Variants in TUBAL3 observed in about 807,000 individuals in gnomAD.
The protein encoded by TUBAL3 is tubulin alpha like 3, also known as tubulin alpha chain-like 3.
A neutral mutation model predicts 15.5 loss-of-function variants in TUBAL3; 16 were observed. The ratio of observed to expected loss-of-function variants is 1.04; its 90% CI spans 0.70 to 1.57. The LOEUF (loss-of-function observed/expected upper bound fraction) is 1.57, where lower values mean the gene tolerates loss of function less well. Ranked by LOEUF, TUBAL3 falls within the 40% of genes most tolerant of loss-of-function variation. TUBAL3 has a pLI of 0.00. For synonymous variants in TUBAL3, 238 were observed against 224.3 expected, an observed-to-expected ratio of 1.06 and a Z score of -0.55; for missense variants, 609 against 576.2, an observed-to-expected ratio of 1.06 and a Z score of -0.58.
rs113297244 is a variant in TUBAL3, at chr10:5,400,525, A to G, written c.247+319T>C. On this transcript the variant is annotated intron_variant, in intron 2 of 3. Coordinates refer to ENST00000380419, the MANE Select transcript of TUBAL3 (RefSeq NM_024803.3). ...TGTGTGCCTGTAATCCCAGCTACTC[A>G]GAGGCTGAGGCAGGAGAATTGCTTG... 1.2e-4 allele frequency among the ~76,000 whole-genome samples: 18 copies of G among 152,256 alleles called. 1 individual carries two copies. Among genetic ancestry groups the G allele is most frequent in the African/African-American group, 3.9e-4 (16 of 41,558 alleles).
In TUBAL3 at chr10:5,395,411, C is replaced by T. The variant is rs781977875; in HGVS notation, c.312G>A (p.Glu104=). 3.7e-6 allele frequency: 6 copies of T among 1,606,390 alleles called. No individual in the cohort carries two copies. The African/African-American group carries it at 5.4e-5, about 14-fold the overall frequency. The change falls in exon 3 of 4, where the codon GAG becomes GAA. Residue 104 remains glutamate (E), a synonymous_variant. Transcript: ENST00000380419. The surrounding 1 kb of genome is among the most constrained non-coding windows in gnomAD (Gnocchi z 4.6). ...CTCGCGCGTAATTGTTAGCAGCATC[C>T]TCCTTTCCGCTAAGGAGCTGCTCGG... ...FHPEQLLSGK[E]DAANNYARGR...
At position 5,393,498 on chromosome 10, in the gene TUBAL3, T is replaced by C; in HGVS notation, c.*19A>G. 6.4e-7 allele frequency: 1 copy of C among 1,569,482 alleles called. No individual in the cohort carries two copies. Among genetic ancestry groups the C allele is most frequent in the Non-Finnish European group, 8.6e-7 (1 of 1,157,320 alleles). ...ATGCCATTTTAACTTGACATTCATT[T>C]GCACCCATCATACATGCCTCAGAAA... On this transcript the variant is annotated 3_prime_UTR_variant, in exon 4 of 4. Transcript: ENST00000380419.
At chr10:5,398,411 A>G (rs1471621521) in intron 2 of TUBAL3, among the ~76,000 whole-genome samples, 4 of 133,900 alleles carry the variant, frequency 3.0e-5, no homozygotes, top group African/African-American at 1.1e-4. Flanking sequence ...AAAGAGCAAA[A>G]CTCTGTCTCA....
rs545148288 is a variant in TUBAL3, at chr10:5,398,741, A to G, written c.247+2103T>C. ...GCAAATTGGTAAACGTTCTTAAAAC[A>G]TTATGAGATCGTTTTGCAATATTTT... On this transcript the variant is annotated intron_variant, in intron 2 of 3. Transcript: ENST00000380419. Among the ~76,000 whole-genome samples, 42 of 129,112 alleles carry G rather than the reference A, an allele frequency of 3.3e-4. 2 individuals carry two copies. In the South Asian group the frequency reaches 9.9e-3, roughly 30 times the overall value. The allele number at this position is 129,112 out of a possible 152,430, so 84.7% of individuals were successfully genotyped here. A position where few individuals can be genotyped will look rare whatever the true frequency, so the allele number is the denominator to read the frequency against.
chr10:5,395,291 G>C lies in TUBAL3; in HGVS notation c.396+36C>G. ...TGCCGCAGGACCCCACATGCCCCAGGCACAGCCCACTCGGAGGAGAGGGGG... is the reference window on the plus strand; with the variant it reads ...TGCCGCAGGACCCCACATGCCCCAGCCACAGCCCACTCGGAGGAGAGGGGG... On this transcript the variant is annotated intron_variant, in intron 3 of 3. Coordinates refer to ENST00000380419, the MANE Select transcript of TUBAL3 (RefSeq NM_024803.3). This position sits in a 1 kb window ranked among gnomAD's most constrained non-coding sequence, Gnocchi z 4.6. 2 of 1,459,002 alleles carry C rather than the reference G, an allele frequency of 1.4e-6. No individual in the cohort carries two copies. Among genetic ancestry groups the C allele is most frequent in the Non-Finnish European group, 1.8e-6 (2 of 1,092,950 alleles). The allele number at this position is 1,459,002 out of a possible 1,614,324, so 90.4% of individuals were successfully genotyped here.
rs6601957 is a variant in TUBAL3, at chr10:5,394,524, A to G, written c.397-63T>C. The G allele has an allele frequency of 0.73, 1,063,704 of 1,463,248 alleles. 387,628 individuals carry two copies. Among genetic ancestry groups the G allele is most frequent in the African/African-American group, 0.82 (58,002 of 70,866 alleles). The allele number at this position is 1,463,248 out of a possible 1,614,324, so 90.6% of individuals were successfully genotyped here. A position where few individuals can be genotyped will look rare whatever the true frequency, so the allele number is the denominator to read the frequency against. ...TAAATCCAGAAGCAGTGAATTGGACAGTAGTGGCAGGATACAACAGGTTTC... is the reference window on the plus strand; with the variant it reads ...TAAATCCAGAAGCAGTGAATTGGACGGTAGTGGCAGGATACAACAGGTTTC... On this transcript the variant is annotated intron_variant, in intron 3 of 3. Coordinates refer to ENST00000380419, the MANE Select transcript of TUBAL3 (RefSeq NM_024803.3). The surrounding 1 kb of genome is among the most constrained non-coding windows in gnomAD (Gnocchi z 4.3).
In TUBAL3 at chr10:5,393,661, G is replaced by A. The variant is rs782435125; in HGVS notation, c.1197C>T (p.Asp399=). 7 of 1,614,166 alleles carry A rather than the reference G, an allele frequency of 4.3e-6. No individual in the cohort carries two copies. In the Admixed American group the frequency reaches 5.0e-5, roughly 12 times the overall value. The part of the protein sequence containing the change: ...TAIVEAWARL[D]HKFDLMYAKR... ...TGGCGTACATGAGGTCAAACTTGTG[G>A]TCCAGGCGGGCCCAGGCCTCCACAA... The change falls in exon 4 of 4, where the codon GAC becomes GAT. Residue 399 remains aspartate, a synonymous_variant. Transcript: ENST00000380419.
chr10:5,396,185 A>G lies in TUBAL3; in HGVS notation c.248-710T>C, dbSNP rs1484605439. 2.0e-5 allele frequency among the ~76,000 whole-genome samples: 3 copies of G among 152,162 alleles called. No individual in the cohort carries two copies. The highest frequency in any genetic ancestry group is 4.4e-5 in the Non-Finnish European group (3 of 68,030). On this transcript the variant is annotated intron_variant, in intron 2 of 3. Transcript: ENST00000380419. The surrounding 1 kb of genome is among the most constrained non-coding windows in gnomAD (Gnocchi z 5.1). ...TTTGAGACAAGTATTTTTATCTACAAATTGCGAACTGTGTGCTGGAAAGGC... is the reference window on the plus strand; with the variant it reads ...TTTGAGACAAGTATTTTTATCTACAGATTGCGAACTGTGTGCTGGAAAGGC...
In TUBAL3 at chr10:5,393,560, G is replaced by A. The variant is rs782519665; in HGVS notation, c.1298C>T (p.Ala433Val). ...TTCCTCATAGTCCCTCTCCAGGGCT[G>A]CCAGATCTTCCCTGGCCTCCAAGAA... ...AEFLEAREDL[A>V]ALERDYEEVA... The change falls in exon 4 of 4, where the codon GCA (alanine) becomes GTA (valine). Residue 433 changes from alanine to valine, a missense_variant. Coordinates refer to ENST00000380419, the MANE Select transcript of TUBAL3 (RefSeq NM_024803.3). 1.2e-6 allele frequency: 2 copies of A among 1,613,710 alleles called. No individual in the cohort carries two copies.
rs1831738144 is a variant in TUBAL3 at position 5,394,823 on chromosome 10, G to A, written c.397-362C>T. Among the ~76,000 whole-genome samples, 1 of 152,200 alleles carries A rather than the reference G, an allele frequency of 6.6e-6. No homozygotes were observed. The highest frequency in any genetic ancestry group is 1.5e-5 in the Non-Finnish European group (1 of 68,052). ...CCCACGTCTATGCTCCATCTGGCAT[G>A]CTGGTGTAAAAGGTGTTGTAGTAGC... On this transcript the variant is annotated intron_variant, in intron 3 of 3. Coordinates refer to ENST00000380419, the MANE Select transcript of TUBAL3 (RefSeq NM_024803.3). This position sits in a 1 kb window ranked among gnomAD's most constrained non-coding sequence, Gnocchi z 4.3.
chr10:5,401,213 A>G, intron 1 of TUBAL3, 126 bp from the exon 2 acceptor site: 1 of 1,179,970 alleles, frequency 8.5e-7, no homozygotes, highest in Non-Finnish European at 1.2e-6. Context: ...AATGTGTTAT[A>G]AGGATAATCA....
chr10:5,397,026 C>T lies in TUBAL3; in HGVS notation c.248-1551G>A, dbSNP rs762427218. ...GCTGTTACGAGAACATAGGGCACAA[C>T]GCACGGCCCATATAACAACAGCAAT... On this transcript the variant is annotated intron_variant, in intron 2 of 3. Coordinates refer to ENST00000380419, the MANE Select transcript of TUBAL3 (RefSeq NM_024803.3). The surrounding 1 kb of genome is among the most constrained non-coding windows in gnomAD (Gnocchi z 4.9). Among the ~76,000 whole-genome samples, 5 of 152,150 alleles carry T rather than the reference C, an allele frequency of 3.3e-5. No homozygotes were observed. The South Asian group carries it at 6.2e-4, about 19-fold the overall frequency.
chr10:5,400,197 C>T (rs1831828518), intron 2 of TUBAL3, among the ~76,000 whole-genome samples: 2 of 152,134 alleles, frequency 1.3e-5, no homozygotes, highest in African/African-American at 2.4e-5. Flanking sequence ...TCTTTTTAAG[C>T]AGCTATCGAA....
At position 5,393,980 on chromosome 10, in the gene TUBAL3, A is replaced by G; in HGVS notation, c.878T>C (p.Phe293Ser). 2 of 1,614,162 alleles carry G rather than the reference A, an allele frequency of 1.2e-6. No individual in the cohort carries two copies. Among genetic ancestry groups the G allele is most frequent in the Non-Finnish European group, 1.7e-6 (2 of 1,180,028 alleles). ...VSADKAYHEQFSVSDITTACF... is the reference protein window; with the variant it reads ...VSADKAYHEQSSVSDITTACF... ...GGCAGTGGTGATGTCTGACACAGAG[A>G]ACTGCTCATGGTAGGCTTTGTCAGC... Residue 293 changes from phenylalanine to serine, a missense_variant, in exon 4 of 4, where the codon TTC (phenylalanine) becomes TCC (serine). Coordinates refer to ENST00000380419, the MANE Select transcript of TUBAL3 (RefSeq NM_024803.3).
At chr10:5,400,527 A>C (rs1016222543) in intron 2 of TUBAL3, among the ~76,000 whole-genome samples, 1 of 152,160 alleles carries the variant, frequency 6.6e-6, no homozygotes. Context: ...AGCTACTCAG[A>C]GGCTGAGGCA....
At chr10:5,398,692 G>C (rs1554814379) in intron 2 of TUBAL3, among the ~76,000 whole-genome samples, 1 of 152,298 alleles carries the variant, frequency 6.6e-6, no homozygotes, top group Admixed American at 6.5e-5. Flanking sequence ...CCGCAGCCCA[G>C]GATGGCTTTG....
At position 5,393,943 on chromosome 10, in the gene TUBAL3, G is replaced by A; in HGVS notation, c.915C>T (p.Ser305=). ...GATCACACTTGACCAGCTGGTTGGA[G>A]GACTCAAAGCAGGCAGTGGTGATGT... is the stretch of plus-strand genomic sequence containing the variant. The part of the protein sequence containing the change: ...VSDITTACFE[S]SNQLVKCDPR... Residue 305 remains serine (S), a synonymous_variant, in exon 4 of 4, where the codon TCC becomes TCT. Coordinates refer to ENST00000380419, the MANE Select transcript of TUBAL3 (RefSeq NM_024803.3). 6.2e-7 allele frequency: 1 copy of A among 1,614,204 alleles called. No homozygotes were observed. The highest frequency in any genetic ancestry group is 8.5e-7 in the Non-Finnish European group (1 of 1,180,046).
chr10:5,394,171 G>A lies in TUBAL3; in HGVS notation c.687C>T (p.Pro229=), dbSNP rs782754306. ...ICHRKLGVEC[P]SHASINRLVV... ...CCAATCTATTGATGCTGGCATGAGAGGGGCATTCAACACCGAGTTTACGAT... is the reference window on the plus strand; with the variant it reads ...CCAATCTATTGATGCTGGCATGAGAAGGGCATTCAACACCGAGTTTACGAT... The change falls in exon 4 of 4, where the codon CCC becomes CCT. Residue 229 remains proline (P), a synonymous_variant. Transcript: ENST00000380419. The surrounding 1 kb of genome is among the most constrained non-coding windows in gnomAD (Gnocchi z 4.3). The A allele has an allele frequency of 6.2e-7, 1 of 1,614,202 alleles. No homozygotes were observed. Among genetic ancestry groups the A allele is most frequent in the Non-Finnish European group, 8.5e-7 (1 of 1,180,046 alleles).
intron 1 of TUBAL3, among the ~76,000 whole-genome samples, chr10:5,401,758 A>C (rs1270995825): frequency 6.6e-6 from 1 of 152,146 alleles, no homozygotes; most frequent in Non-Finnish European, 1.5e-5. Flanking sequence ...CTAAAAAAAA[A>C]CACTTAAGAC....
Sources: allele counts gnomAD v4.1 joint callset (sites outside exome capture counted in the v4.1 genomes callset), GRCh38; gene constraint gnomAD v4.1.1; non-coding constraint Gnocchi (gnomAD v3.1); transcripts MANE v1.5; gene names NCBI Gene and HGNC (gene_info 2026-07-23, HGNC 2026-07-21).